The following SMAD6 variants were observed in gnomAD, a reference collection of about 807,000 sequenced individuals.
SMAD6 encodes the protein SMAD family member 6, also known as MAD homolog 6.
Under a neutral mutation model 39.4 loss-of-function variants are expected in SMAD6, and 103 were observed. The ratio of observed to expected loss-of-function variants is 2.62; its 90% confidence interval spans 2.23 to 3.08. The LOEUF (loss-of-function observed/expected upper bound fraction) is 3.08. Among genes scored for constraint, SMAD6 ranks in the 30% most tolerant of loss-of-function variants. The probability of loss-of-function intolerance (pLI) is 0.00; values close to 1 mark genes in which losing one functional copy is unlikely to be tolerated. For missense variants in SMAD6, 1,104 were observed against 742.9 expected (o/e 1.49, Z -5.65); for synonymous variants, 445 against 353.3 (o/e 1.26, Z -2.91).
chr15:66,723,217 A>G (rs1228603504), intron 3 of SMAD6, among the ~76,000 whole-genome samples: 2 of 152,290 alleles, frequency 1.3e-5, no homozygotes, highest in East Asian at 1.9e-4. Flanking sequence ...CCAAGGCACT[A>G]AAGCTTGGGG....
chr15:66,765,893 C>A (rs2079466733), intron 3 of SMAD6, among the ~76,000 whole-genome samples: 1 of 152,168 alleles, frequency 6.6e-6, no homozygotes, highest in African/African-American at 2.4e-5. Flanking sequence ...AAGTCCCGGC[C>A]TGCAAGTTCC....
chr15:66,732,632 G>A (rs956492985), intron 3 of SMAD6, among the ~76,000 whole-genome samples: 1 of 152,168 alleles, frequency 6.6e-6, no homozygotes, highest in Non-Finnish European at 1.5e-5. Flanking sequence ...ATGGTGCTGG[G>A]ATTGCAGGTG....
intron 1 of SMAD6, among the ~76,000 whole-genome samples, chr15:66,710,544 A>G (rs1893207589): frequency 6.6e-6 from 1 of 152,212 alleles, no homozygotes; most frequent in South Asian, 2.1e-4. Flanking sequence ...TACAATTGTG[A>G]AAAACACTTA....
In SMAD6 at chr15:66,711,687, C is replaced by A; in HGVS notation, c.837C>A (p.Tyr279Ter). The A allele has an allele frequency of 6.2e-7, 1 of 1,614,008 alleles. No individual in the cohort carries two copies. Among genetic ancestry groups the A allele is most frequent in the Non-Finnish European group, 8.5e-7 (1 of 1,179,872 alleles). ...TTCCAGAATCTCCGCCACCTCCCTA[C>A]TCTCGGCTGTCTCCTCGCGACGAGT... is the stretch of plus-strand genomic sequence containing the variant. ...LCGPESPPPP[Y>*]SRLSPRDEYK... is the part of the protein sequence containing the mutation. Residue 279 changes from tyrosine to a stop codon, truncating the protein, a stop_gained, in exon 2 of 4, where the codon TAC becomes TAA. Transcript: ENST00000288840. LOFTEE classifies it high-confidence loss of function.
In SMAD6 at chr15:66,781,264, A is replaced by T. The variant is rs559282493; in HGVS notation, c.1220A>T (p.Glu407Val). The part of the protein sequence containing the change: ...PDGVWAYNRG[E>V]HPIFVNSPTL... ...GGCGTGTGGGCCTACAACCGCGGCGAGCACCCCATCTTCGTCAACTCCCCG... is the reference window on the plus strand; with the variant it reads ...GGCGTGTGGGCCTACAACCGCGGCGTGCACCCCATCTTCGTCAACTCCCCG... Residue 407 changes from glutamate (E) to valine (V), a missense_variant, in exon 4 of 4, where the codon GAG becomes GTG. Glu to Val is a moderately radical substitution (Grantham distance 121, BLOSUM62 -2). Coordinates refer to ENST00000288840, the MANE Select transcript of SMAD6 (RefSeq NM_005585.5). The T allele has an allele frequency of 6.2e-7, 1 of 1,607,926 alleles. No individual in the cohort carries two copies. The highest frequency in any genetic ancestry group is 1.3e-5 in the African/African-American group (1 of 74,998).
At position 66,703,574 on chromosome 15, in the gene SMAD6, G is replaced by T. The variant is rs981951560; in HGVS notation, c.316G>T (p.Asp106Tyr). ...GGCCGGCGCTGGGAGCTCCCTGCTG[G>T]ACGTGGCGGAGCCGGGAGGCCCGGG... is the stretch of plus-strand genomic sequence containing the variant. ...PGAGAGSSLL[D>Y]VAEPGGPGWL... is the part of the protein sequence containing the mutation. Residue 106 changes from aspartate (D) to tyrosine (Y), a missense_variant, in exon 1 of 4, where the codon GAC (aspartate) becomes TAC (tyrosine). Physicochemically the swap from Asp to Tyr is radical, Grantham distance 160. Coordinates refer to ENST00000288840, the MANE Select transcript of SMAD6 (RefSeq NM_005585.5). 1.6e-6 allele frequency: 2 copies of T among 1,226,022 alleles called. No individual in the cohort carries two copies. The highest frequency in any genetic ancestry group is 2.0e-6 in the Non-Finnish European group (2 of 981,304). The allele number at this position is 1,226,022 out of a possible 1,614,324, so 75.9% of individuals were successfully genotyped here. A position where few individuals can be genotyped will look rare whatever the true frequency, so the allele number is the denominator to read the frequency against.
intron 3 of SMAD6, among the ~76,000 whole-genome samples, chr15:66,755,553 C>G (rs1894082497): frequency 6.6e-6 from 1 of 152,138 alleles, no homozygotes; most frequent in Non-Finnish European, 1.5e-5. Flanking sequence ...TGGATTTTAG[C>G]TATGAAGGGA....
Position 66,703,155 on chromosome 15 carries a change from T to C in SMAD6, c.-104T>C. On this transcript the variant is annotated 5_prime_UTR_variant, in exon 1 of 4. Coordinates refer to ENST00000288840, the MANE Select transcript of SMAD6 (RefSeq NM_005585.5). ...TCTGCACGGCGCTCCGCGGCGGAGC[T>C]TCATGTGGGGCTGCGACCCGCGCAG... The C allele has an allele frequency of 4.8e-6, 4 of 838,082 alleles. No individual in the cohort carries two copies. The highest frequency in any genetic ancestry group is 5.0e-6 in the Non-Finnish European group (3 of 601,152). 51.9% of individuals were successfully genotyped at this position (838,082 alleles called of 1,614,324 possible). A position where few individuals can be genotyped will look rare whatever the true frequency, so the allele number is the denominator to read the frequency against.
At chr15:66,743,999 T>G (rs1370125014) in intron 3 of SMAD6, among the ~76,000 whole-genome samples, 1 of 152,094 alleles carries the variant, frequency 6.6e-6, no homozygotes, top group Non-Finnish European at 1.5e-5. Context: ...TTGGTGAGCA[T>G]CTTATGTCTT....
At chr15:66,759,969 C>T (rs1894169703) in intron 3 of SMAD6, among the ~76,000 whole-genome samples, 1 of 152,176 alleles carries the variant, frequency 6.6e-6, no homozygotes, top group East Asian at 1.9e-4. Flanking sequence ...CCCAGGCGGC[C>T]TCTGCAGACT....
chr15:66,748,887 C>T (rs1453405681), intron 3 of SMAD6, among the ~76,000 whole-genome samples: 1 of 152,186 alleles, frequency 6.6e-6, no homozygotes, highest in Non-Finnish European at 1.5e-5. Flanking sequence ...ATTCCTGGAT[C>T]AATCACCACC....
At chr15:66,724,351 A>G (rs1480709704) in intron 3 of SMAD6, among the ~76,000 whole-genome samples, 1 of 152,224 alleles carries the variant, frequency 6.6e-6, no homozygotes, top group Non-Finnish European at 1.5e-5. Flanking sequence ...AAAGAGATCC[A>G]GAGAGAGCCC....
intron 3 of SMAD6, among the ~76,000 whole-genome samples, chr15:66,777,978 G>T (rs1894495356): frequency 6.6e-6 from 1 of 152,258 alleles, no homozygotes; most frequent in East Asian, 1.9e-4. Context: ...CATGGGTTTT[G>T]ATTGGGGGGA....
chr15:66,713,480 T>C (rs1239505054), intron 2 of SMAD6, among the ~76,000 whole-genome samples: 1 of 152,158 alleles, frequency 6.6e-6, no homozygotes, highest in Non-Finnish European at 1.5e-5. Flanking sequence ...CCACCACGCC[T>C]GGCTAATTTT....
chr15:66,782,570 A>G lies in SMAD6; in HGVS notation c.*1035A>G, dbSNP rs535145322. ...ATGTAAAGGCAGATGGTTTATTTCT[A>G]CTTTGTGAAAGGGAAAAGTTGAGGT... On this transcript the variant is annotated 3_prime_UTR_variant, in exon 4 of 4. Transcript: ENST00000288840. The G allele has an allele frequency of 5.9e-5, 9 of 152,318 alleles. No homozygotes were observed. In the East Asian group the frequency reaches 1.7e-3, roughly 29 times the overall value. The allele number at this position is 152,318 out of a possible 1,614,324, so 9.4% of individuals were successfully genotyped here. A position where few individuals can be genotyped will look rare whatever the true frequency, so the allele number is the denominator to read the frequency against.
intron 3 of SMAD6, among the ~76,000 whole-genome samples, chr15:66,718,292 T>C (rs986008368): frequency 5.3e-5 from 8 of 152,104 alleles, no homozygotes; most frequent in African/African-American, 1.9e-4. Context: ...TCTCCCTCAA[T>C]CCAGAGGCTG....
At chr15:66,776,780 C>T (rs1045002523) in intron 3 of SMAD6, among the ~76,000 whole-genome samples, 5 of 152,170 alleles carry the variant, frequency 3.3e-5, no homozygotes, top group Non-Finnish European at 7.3e-5. Flanking sequence ...CAAAATAAAG[C>T]GGTGGTAGTC....
chr15:66,731,254 C>T (rs1448230737), intron 3 of SMAD6, among the ~76,000 whole-genome samples: 4 of 151,426 alleles, frequency 2.6e-5, no homozygotes, highest in Non-Finnish European at 4.4e-5. Context: ...CCGGCTAAAA[C>T]GGTGAAACCC....
chr15:66,773,011 C>T (rs1267508075), intron 3 of SMAD6, among the ~76,000 whole-genome samples: 3 of 152,172 alleles, frequency 2.0e-5, no homozygotes, highest in Non-Finnish European at 4.4e-5. Context: ...GGCATCCCTC[C>T]ACCCCCAGCC....
Sources: allele counts gnomAD v4.1 joint callset (sites outside exome capture counted in the v4.1 genomes callset), GRCh38; gene constraint gnomAD v4.1.1; transcripts MANE v1.5; gene names NCBI Gene and HGNC (gene_info 2026-07-23, HGNC 2026-07-21).